Variants in MYRIP observed in about 807,000 individuals in gnomAD.
MYRIP encodes the protein myosin VIIA and Rab interacting protein.
Under a neutral mutation model 98.0 loss-of-function variants are expected in MYRIP, and 49 were observed. The ratio of observed to expected loss-of-function variants is 0.50; its 90% confidence interval spans 0.40 to 0.63. The LOEUF is 0.63. Among genes scored for constraint, MYRIP ranks in the 30% least tolerant of loss-of-function variants. MYRIP has a pLI of 0.00. For missense variants in MYRIP, 1,004 were observed against 1,058.2 expected, an observed-to-expected ratio of 0.95 and a Z score of 0.71; for synonymous variants, 404 against 409.5, an observed-to-expected ratio of 0.99 and a Z score of 0.16.
chr3:39,874,325 C>A (rs1942907484), intron 1 of MYRIP, among the ~76,000 whole-genome samples: 1 of 151,718 alleles, frequency 6.6e-6, no homozygotes, highest in South Asian at 2.1e-4. Flanking sequence ...AATTGAATAC[C>A]CTTTATTTCC....
chr3:40,231,863 G>A (rs933996455), intron 11 of MYRIP, among the ~76,000 whole-genome samples: 4 of 152,206 alleles, frequency 2.6e-5, no homozygotes, highest in Non-Finnish European at 2.9e-5. Context: ...TTCTAAACAC[G>A]TTTTATTCCT....
chr3:39,917,494 A>T (rs1411357560), intron 2 of MYRIP, among the ~76,000 whole-genome samples: 1 of 151,024 alleles, frequency 6.6e-6, no homozygotes, highest in Admixed American at 6.6e-5. Flanking sequence ...AAGCTGTTGA[A>T]ACTTCCAAAA....
At chr3:39,886,586 C>CA (rs1943309821) in intron 1 of MYRIP, among the ~76,000 whole-genome samples, 1 of 151,648 alleles carries the variant, frequency 6.6e-6, no homozygotes, top group Non-Finnish European at 1.5e-5. Context: ...TCAAAAGAGA[C>CA]AAAAAAGGCC....
intron 1 of MYRIP, among the ~76,000 whole-genome samples, chr3:39,878,341 C>T (rs115778925): frequency 0.017 from 2,519 of 152,258 alleles, 29 homozygotes; most frequent in Non-Finnish European, 0.023. Flanking sequence ...GAGCACAGTG[C>T]GCTGCACCCA....
chr3:39,863,278 A>G (rs1199897840), intron 1 of MYRIP, among the ~76,000 whole-genome samples: 1 of 152,180 alleles, frequency 6.6e-6, no homozygotes, highest in East Asian at 1.9e-4. Context: ...CTCCAAAGCT[A>G]GTAGAAGACA....
At chr3:40,021,547 G>A (rs1249250248) in intron 2 of MYRIP, among the ~76,000 whole-genome samples, 1 of 152,170 alleles carries the variant, frequency 6.6e-6, no homozygotes, top group African/African-American at 2.4e-5. Context: ...TTTCTATCTT[G>A]TTTACAACAA....
intron 3 of MYRIP, among the ~76,000 whole-genome samples, chr3:40,084,383 A>G (rs201565302): frequency 7.4e-6 from 1 of 135,570 alleles, no homozygotes; most frequent in African/African-American, 2.9e-5. Flanking sequence ...TATGTATTAT[A>G]TATCGATAGA....
intron 11 of MYRIP, among the ~76,000 whole-genome samples, chr3:40,218,616 A>ATATATATATATATATATATTT (rs1952211492): frequency 1.2e-4 from 1 of 8,188 alleles, no homozygotes; most frequent in African/African-American, 1.9e-4. Flanking sequence ...TATATTTTAT[A>ATATATATATATATATATATTT]TATATATATA....
chr3:39,848,843 C>T (rs66538127), intron 1 of MYRIP, among the ~76,000 whole-genome samples: 12,279 of 151,602 alleles, frequency 0.081, 553 homozygotes, highest in African/African-American at 0.12. Flanking sequence ...TTTTATGCCA[C>T]GAGAGAGGGA....
chr3:40,069,560 C>T (rs1948184688), intron 3 of MYRIP, among the ~76,000 whole-genome samples: 2 of 152,134 alleles, frequency 1.3e-5, no homozygotes, highest in South Asian at 2.1e-4. Flanking sequence ...CAAACTGAAG[C>T]TCTATGCCCG....
chr3:40,212,163 TATATACATATATATAC>T (rs1951961546), intron 11 of MYRIP, among the ~76,000 whole-genome samples: 5 of 12,570 alleles, frequency 4.0e-4, no homozygotes, highest in Admixed American at 1.2e-3. Flanking sequence ...CGTGTATATA[TATATACATATATATAC>T]GTGTATGTGT....
intron 1 of MYRIP, among the ~76,000 whole-genome samples, chr3:39,847,886 G>A (rs919193747): frequency 6.6e-6 from 1 of 151,384 alleles, no homozygotes; most frequent in Admixed American, 6.6e-5. Flanking sequence ...GTCTTTCTCT[G>A]AGTCTTTCTC....
Position 40,244,695 on chromosome 3 carries a change from A to G in MYRIP, c.2262+88A>G, listed in dbSNP as rs72858638. ...ACAAGAATCACTTTAAAGCCATTGT[A>G]TCTATCAGCTCCCATCATCTCCAGC... is the stretch of plus-strand genomic sequence containing the variant. On this transcript the variant is annotated intron_variant, in intron 13 of 16. Transcript: ENST00000302541. 1,993 of 1,379,684 alleles carry G rather than the reference A, an allele frequency of 1.4e-3. 20 individuals are homozygous for G. In the African/African-American group the frequency reaches 0.023, roughly 16 times the overall value. The allele number at this position is 1,379,684 out of a possible 1,614,324, so 85.5% of individuals were successfully genotyped here. A position where few individuals can be genotyped will look rare whatever the true frequency, so the allele number is the denominator to read the frequency against.
intron 1 of MYRIP, among the ~76,000 whole-genome samples, chr3:39,864,561 A>G (rs1559500845): frequency 6.6e-6 from 1 of 152,128 alleles, no homozygotes. Flanking sequence ...TAGCCACAAA[A>G]AGAATAAAAT....
At chr3:39,874,556 G>A (rs989779528) in intron 1 of MYRIP, among the ~76,000 whole-genome samples, 36 of 152,182 alleles carry the variant, frequency 2.4e-4, no homozygotes, top group African/African-American at 8.7e-4. Context: ...ATGAAGGGTT[G>A]TTGAATTGTG....
chr3:39,877,693 T>G (rs1943037703), intron 1 of MYRIP, among the ~76,000 whole-genome samples: 1 of 152,158 alleles, frequency 6.6e-6, no homozygotes, highest in Non-Finnish European at 1.5e-5. Context: ...GTCTGATCGT[T>G]CCTCTGGAAG....
intron 3 of MYRIP, among the ~76,000 whole-genome samples, chr3:40,100,456 A>T (rs1382749929): frequency 6.6e-6 from 1 of 152,218 alleles, no homozygotes; most frequent in Non-Finnish European, 1.5e-5. Flanking sequence ...ATAAATCATA[A>T]AGGAAGAGCA....
At chr3:39,976,215 C>G (rs1457302034) in intron 2 of MYRIP, among the ~76,000 whole-genome samples, 1 of 152,018 alleles carries the variant, frequency 6.6e-6, no homozygotes, top group Non-Finnish European at 1.5e-5. Context: ...AAAAAAAACC[C>G]CATCAACAAG....
chr3:39,980,644 A>G (rs892564250), intron 2 of MYRIP, among the ~76,000 whole-genome samples: 35 of 152,310 alleles, frequency 2.3e-4, no homozygotes, highest in African/African-American at 4.8e-4. Context: ...TTGAATCAAA[A>G]TGCTCATTGC....
Sources: allele counts gnomAD v4.1 joint callset (sites outside exome capture counted in the v4.1 genomes callset), GRCh38; gene constraint gnomAD v4.1.1; transcripts MANE v1.5; gene names NCBI Gene and HGNC (gene_info 2026-07-23, HGNC 2026-07-21).